The following NRIP2 variants were observed in gnomAD, a reference collection of about 807,000 sequenced individuals.
NRIP2 encodes the protein nuclear receptor interacting protein 2, also known as nuclear receptor-interacting protein 2.
A neutral mutation model predicts 34.1 loss-of-function variants in NRIP2; 27 were observed. That is an observed-to-expected ratio of 0.79 (90% CI 0.58 to 1.09). The LOEUF (loss-of-function observed/expected upper bound fraction) is 1.09. Among genes scored for constraint, NRIP2 ranks in the 50% least tolerant of loss-of-function variants. The pLI is 0.00. For missense variants in NRIP2, 385 were observed against 352.6 expected (o/e 1.09, Z -0.74); for synonymous variants, 145 against 146.9 (o/e 0.99, Z 0.09).
chr12:2,830,622 C>G (rs2097996547), intron 2 of NRIP2, 86 bp downstream of exon 2: 2 of 1,398,588 alleles, frequency 1.4e-6, no homozygotes, highest in Admixed American at 4.9e-5. Context: ...CCTCCCTCTC[C>G]CATCAGGGCA....
rs1268653429 is a variant in NRIP2 at position 2,827,726 on chromosome 12, A to G, written c.701-49T>C. On this transcript the variant is annotated intron_variant, in intron 4 of 5. Coordinates refer to ENST00000337508, the MANE Select transcript of NRIP2 (RefSeq NM_031474.3). The surrounding 1 kb of genome is among the most constrained non-coding windows in gnomAD (Gnocchi z 4.0). ...AAGAGGCTGAGGGTTCCCAGTGGTC[A>G]CTGCTGCCCTCCTCTTAGCCGTTGC... The G allele has an allele frequency of 1.2e-6, 2 of 1,613,024 alleles. No individual in the cohort carries two copies. The highest frequency in any genetic ancestry group is 8.5e-7 in the Non-Finnish European group (1 of 1,179,932).
At chr12:2,832,731 G>C (rs754189560) in intron 1 of NRIP2, among the ~76,000 whole-genome samples, 1 of 149,198 alleles carries the variant, frequency 6.7e-6, no homozygotes, top group Non-Finnish European at 1.5e-5. Flanking sequence ...TTATATCCCA[G>C]GGCATGGCTC....
intron 1 of NRIP2, among the ~76,000 whole-genome samples, chr12:2,833,400 T>C (rs975354136): frequency 2.0e-5 from 3 of 152,088 alleles, no homozygotes; most frequent in Non-Finnish European, 2.9e-5. Flanking sequence ...ATCCCTTTTC[T>C]CGTTGGGAGC....
In NRIP2 at chr12:2,828,330, A is replaced by G. The variant is rs1428844653; in HGVS notation, c.578+2T>C. 1 of 1,613,676 alleles carries G rather than the reference A, an allele frequency of 6.2e-7. No individual in the cohort carries two copies. Among genetic ancestry groups the G allele is most frequent in the Non-Finnish European group, 8.5e-7 (1 of 1,179,860 alleles). Reference sequence around the variant, plus strand: ...ACTTGCTTGTTTGGGCCACATTCTTACCCCAGGCGGCTGAGACATCCAGCA... The same window carrying G: ...ACTTGCTTGTTTGGGCCACATTCTTGCCCCAGGCGGCTGAGACATCCAGCA... On this transcript the variant is annotated splice_donor_variant, in intron 3 of 5. Transcript: ENST00000337508. LOFTEE classifies it high-confidence loss of function.
In NRIP2 at chr12:2,833,172, T is replaced by C. The variant is rs2098012008; in HGVS notation, c.342+1470A>G. Among the ~76,000 whole-genome samples the C allele has an allele frequency of 2.6e-5, 4 of 151,982 alleles. No homozygotes were observed. The South Asian group carries it at 8.3e-4, about 32-fold the overall frequency. On this transcript the variant is annotated intron_variant, in intron 1 of 5. Coordinates refer to ENST00000337508, the MANE Select transcript of NRIP2 (RefSeq NM_031474.3). The stretch of plus-strand genomic sequence containing the variant: ...AGGGGAGAGGTGAAAAGCCCGGGAC[T>C]TTCTCATTAGAAGGCGGGACCTGCC...
chr12:2,828,555 C>A (rs184243242), intron 2 of NRIP2, 141 bp from the exon 3 acceptor site: 5 of 690,590 alleles, frequency 7.2e-6, no homozygotes, highest in South Asian at 7.2e-5. Flanking sequence ...TGGCTTTTAT[C>A]GGGGCCAGGC....
chr12:2,834,336 GGTTCCTGT>G (rs1413199639), intron 1 of NRIP2, among the ~76,000 whole-genome samples: 2 of 152,164 alleles, frequency 1.3e-5, no homozygotes, highest in African/African-American at 4.8e-5. Flanking sequence ...CACTCTAGAG[GGTTCCTGT>G]GTTCCTGTAA....
intron 1 of NRIP2, among the ~76,000 whole-genome samples, chr12:2,831,231 C>G (rs1469768056): frequency 6.6e-6 from 1 of 151,106 alleles, no homozygotes; most frequent in African/African-American, 2.4e-5. Context: ...CCCCTCTGAC[C>G]TCATCCTTCA....
In NRIP2 at chr12:2,827,522, C is replaced by A. The variant is rs1321487994; in HGVS notation, c.753+103G>T. On this transcript the variant is annotated intron_variant, in intron 5 of 5. Coordinates refer to ENST00000337508, the MANE Select transcript of NRIP2 (RefSeq NM_031474.3). The surrounding 1 kb of genome is among the most constrained non-coding windows in gnomAD (Gnocchi z 4.0). ...CTAAGGAAGCAAAGGGACAGTTGCC[C>A]ATCTCTAAGTCACTCTCATCAGAAC... 1.3e-6 allele frequency: 2 copies of A among 1,579,606 alleles called. No individual in the cohort carries two copies. Among genetic ancestry groups the A allele is most frequent in the African/African-American group, 2.7e-5 (2 of 73,144 alleles).
Position 2,827,248 on chromosome 12 carries a change from C to G in NRIP2, c.805G>C (p.Glu269Gln). The change falls in exon 6 of 6, where the codon GAG becomes CAG. Residue 269 changes from glutamate (E) to glutamine (Q), a missense_variant. Physicochemically the swap from Glu to Gln is conservative, Grantham distance 29. Coordinates refer to ENST00000337508, the MANE Select transcript of NRIP2 (RefSeq NM_031474.3). The surrounding 1 kb of genome is among the most constrained non-coding windows in gnomAD (Gnocchi z 4.0). Reference sequence around the variant, plus strand: ...TGGTACAAAGGCAGGAAGGGTAGCTCTGAGAACGGGGCTTTCAGCCGCAGC... The same window carrying G: ...TGGTACAAAGGCAGGAAGGGTAGCTGTGAGAACGGGGCTTTCAGCCGCAGC... The part of the protein sequence containing the change: ...GVLRLKAPFS[E>Q]LPFLPLYQEP... 1 of 1,614,144 alleles carries G rather than the reference C, an allele frequency of 6.2e-7. No homozygotes were observed. The highest frequency in any genetic ancestry group is 1.1e-5 in the South Asian group (1 of 91,086).
At position 2,827,519 on chromosome 12, in the gene NRIP2, G is replaced by A. The variant is rs1268171536; in HGVS notation, c.753+106C>T. On this transcript the variant is annotated intron_variant, in intron 5 of 5. Transcript: ENST00000337508. This position sits in a 1 kb window ranked among gnomAD's most constrained non-coding sequence, Gnocchi z 4.0. ...CCTCTAAGGAAGCAAAGGGACAGTT[G>A]CCCATCTCTAAGTCACTCTCATCAG... 2.0e-5 allele frequency: 31 copies of A among 1,578,616 alleles called. No individual in the cohort carries two copies. In the East Asian group the frequency reaches 6.5e-4, roughly 33 times the overall value.
Position 2,827,480 on chromosome 12 carries a change from T to C in NRIP2, c.753+145A>G. ...CCAGTTCTCTTGATTTTTCACTTGG[T>C]GGTAAGTAAGGAACCTCTAAGGAAG... On this transcript the variant is annotated intron_variant, in intron 5 of 5. Transcript: ENST00000337508. The surrounding 1 kb of genome is among the most constrained non-coding windows in gnomAD (Gnocchi z 4.0). The C allele has an allele frequency of 6.5e-7, 1 of 1,535,962 alleles. No homozygotes were observed. The highest frequency in any genetic ancestry group is 8.7e-7 in the Non-Finnish European group (1 of 1,148,214).
intron 1 of NRIP2, 139 bp downstream of exon 1, chr12:2,834,503 A>G: frequency 8.1e-7 from 1 of 1,241,470 alleles, no homozygotes; most frequent in Non-Finnish European, 1.1e-6. Context: ...AGTTGGCAGG[A>G]TGACCTCTCC....
Position 2,826,931 on chromosome 12 carries a change from G to T in NRIP2, c.*276C>A. On this transcript the variant is annotated 3_prime_UTR_variant, in exon 6 of 6. Coordinates refer to ENST00000337508, the MANE Select transcript of NRIP2 (RefSeq NM_031474.3). The stretch of plus-strand genomic sequence containing the variant: ...CATTGTGCTTAGGTTCCTATCTGTG[G>T]TCTTGATTTGGCTTTGCTTTTCTTG... 8.0e-7 allele frequency: 1 copy of T among 1,242,640 alleles called. No individual in the cohort carries two copies. Among genetic ancestry groups the T allele is most frequent in the Non-Finnish European group, 1.0e-6 (1 of 978,132 alleles). 77.0% of individuals were successfully genotyped at this position (1,242,640 alleles called of 1,614,324 possible). A position where few individuals can be genotyped will look rare whatever the true frequency, so the allele number is the denominator to read the frequency against.
Position 2,825,420 on chromosome 12 carries a change from G to C in NRIP2, c.*1787C>G, listed in dbSNP as rs953618055. 1.3e-5 allele frequency: 2 copies of C among 152,510 alleles called. No homozygotes were observed. 9.4% of individuals were successfully genotyped at this position (152,510 alleles called of 1,614,324 possible). A position where few individuals can be genotyped will look rare whatever the true frequency, so the allele number is the denominator to read the frequency against. ...CTTGCCATTGGGCCTGGGGTCTGCAGTTACAGAAGCAGCAGGAGGCAGACA... is the reference window on the plus strand; with the variant it reads ...CTTGCCATTGGGCCTGGGGTCTGCACTTACAGAAGCAGCAGGAGGCAGACA... On this transcript the variant is annotated 3_prime_UTR_variant, in exon 6 of 6. Coordinates refer to ENST00000337508, the MANE Select transcript of NRIP2 (RefSeq NM_031474.3).
At chr12:2,832,008 A>G (rs1376490184) in intron 1 of NRIP2, among the ~76,000 whole-genome samples, 1 of 151,974 alleles carries the variant, frequency 6.6e-6, no homozygotes, top group Non-Finnish European at 1.5e-5. Context: ...TACCTTTCAA[A>G]TACATCTGCT....
intron 1 of NRIP2, among the ~76,000 whole-genome samples, chr12:2,832,331 C>A (rs1323951667): frequency 6.6e-6 from 1 of 152,020 alleles, no homozygotes; most frequent in Non-Finnish European, 1.5e-5. Context: ...CCGGGCCGTG[C>A]CTCCTTCCCT....
At chr12:2,834,189 A>AC (rs914172635) in intron 1 of NRIP2, among the ~76,000 whole-genome samples, 13 of 151,944 alleles carry the variant, frequency 8.6e-5, no homozygotes, top group Non-Finnish European at 1.9e-4. Flanking sequence ...AAGGATGGAG[A>AC]CCCCCGATGT....
In NRIP2 at chr12:2,834,831, C is replaced by T. The variant is rs749874611; in HGVS notation, c.153G>A (p.Met51Ile). 1.1e-5 allele frequency: 17 copies of T among 1,613,630 alleles called. No individual in the cohort carries two copies. The highest frequency in any genetic ancestry group is 1.4e-5 in the Non-Finnish European group (17 of 1,179,962). ...SPWPTPPAGA[M>I]STKQEARRDE... Reference sequence around the variant, plus strand: ...CTCTCCTGGCCTCCTGCTTGGTGCTCATGGCCCCTGCTGGAGGAGTGGGCC... The same window carrying T: ...CTCTCCTGGCCTCCTGCTTGGTGCTTATGGCCCCTGCTGGAGGAGTGGGCC... Residue 51 changes from methionine (M) to isoleucine (I), a missense_variant, in exon 1 of 6, where the codon ATG becomes ATA. By Grantham distance (10) the Met-to-Ile change is conservative (BLOSUM62 1). Transcript: ENST00000337508.
Sources: allele counts gnomAD v4.1 joint callset (sites outside exome capture counted in the v4.1 genomes callset), GRCh38; gene constraint gnomAD v4.1.1; non-coding constraint Gnocchi (gnomAD v3.1); transcripts MANE v1.5; gene names NCBI Gene and HGNC (gene_info 2026-07-23, HGNC 2026-07-21).